The following ENTPD6 variants were observed in gnomAD, a reference collection of about 807,000 sequenced individuals.
ENTPD6 encodes the protein CD39 antigen-like 2.
ENTPD6 carries 46 observed loss-of-function variants against 61.5 expected under a neutral mutation model. The ratio of observed to expected loss-of-function variants is 0.75; its 90% CI spans 0.59 to 0.96. The LOEUF is 0.96. ENTPD6 is among the 40% of genes least tolerant of loss of function. The probability of loss-of-function intolerance (pLI) is 0.00; values close to 1 mark genes in which losing one functional copy is unlikely to be tolerated. For missense variants in ENTPD6, 612 were observed against 629.0 expected, an observed-to-expected ratio of 0.97 and a Z score of 0.29; for synonymous variants, 252 against 255.5, an observed-to-expected ratio of 0.99 and a Z score of 0.13.
intron 1 of ENTPD6, among the ~76,000 whole-genome samples, chr20:25,204,470 TTA>T (rs10534876): frequency 0.51 from 76,536 of 150,014 alleles, 19,914 homozygotes; most frequent in East Asian, 0.91. Context: ...TTACAAAGCT[TTA>T]TATATATATA....
intron 12 of ENTPD6, 114 bp downstream of exon 12, chr20:25,223,092 C>A: frequency 7.9e-7 from 1 of 1,258,506 alleles, no homozygotes; most frequent in Non-Finnish European, 1.1e-6. Flanking sequence ...CCTGTTGTCA[C>A]ATCCCTGCAG....
intron 1 of ENTPD6, among the ~76,000 whole-genome samples, chr20:25,205,508 G>T (rs2091408038): frequency 2.3e-5 from 2 of 86,078 alleles, no homozygotes; most frequent in South Asian, 9.0e-4. Flanking sequence ...AGCCACAGGG[G>T]CCAGCAGGGA....
At chr20:25,203,523 A>T (rs1568604665) in intron 1 of ENTPD6, among the ~76,000 whole-genome samples, 1 of 152,198 alleles carries the variant, frequency 6.6e-6, no homozygotes, top group Non-Finnish European at 1.5e-5. Flanking sequence ...TGATTCTTCT[A>T]CCGACTCAAA....
chr20:25,206,488 T>C, intron 1 of ENTPD6, 34 bp from the exon 2 acceptor site: 1 of 1,552,754 alleles, frequency 6.4e-7, no homozygotes, highest in Non-Finnish European at 8.9e-7. Context: ...TTGTAGGCTT[T>C]GGAAGTACAC....
At chr20:25,205,143 C>T (rs2091358107) in intron 1 of ENTPD6, among the ~76,000 whole-genome samples, 1 of 152,160 alleles carries the variant, frequency 6.6e-6, no homozygotes, top group African/African-American at 2.4e-5. Flanking sequence ...GCAGCAGCAG[C>T]ACAAGACAAG....
chr20:25,214,671 T>C, intron 5 of ENTPD6, 196 bp from the exon 6 acceptor site: 1 of 583,350 alleles, frequency 1.7e-6, no homozygotes, highest in Non-Finnish European at 3.1e-6. Context: ...GCAAAACCCT[T>C]AACCATAAAT....
intron 4 of ENTPD6, among the ~76,000 whole-genome samples, chr20:25,211,796 C>T (rs561666390): frequency 4.6e-4 from 70 of 152,264 alleles, no homozygotes; most frequent in African/African-American, 1.4e-3. Flanking sequence ...CAAGGGGCAT[C>T]GCTCAGATGA....
At position 25,213,313 on chromosome 20, in the gene ENTPD6, G is replaced by A. The variant is rs2076561; in HGVS notation, c.504G>A (p.Pro168=). The part of the protein sequence containing the change: ...ELLDVAKQDI[P]FDFWKATPLV... Reference sequence around the variant, plus strand: ...TGGATGTTGCTAAACAGGACATTCCGTTCGACTTCTGGAAGGCCACCCCTC... The same window carrying A: ...TGGATGTTGCTAAACAGGACATTCCATTCGACTTCTGGAAGGCCACCCCTC... Residue 168 remains proline (P), a synonymous_variant, in exon 5 of 15, where the codon CCG becomes CCA. Coordinates refer to ENST00000376652, the MANE Select transcript of ENTPD6 (RefSeq NM_001247.5). The A allele has an allele frequency of 0.32, 522,914 of 1,613,820 alleles. 88,990 individuals are homozygous for A. The highest frequency in any genetic ancestry group is 0.62 in the East Asian group (27,677 of 44,872).
chr20:25,196,345 G>A (rs565346342), intron 1 of ENTPD6: 9 of 604,402 alleles, frequency 1.5e-5, no homozygotes, highest in Non-Finnish European at 1.7e-5. Context: ...TAGGTGGTCA[G>A]GGCGGTTCTG....
At chr20:25,209,563 AT>A (rs2091806987) in intron 3 of ENTPD6, among the ~76,000 whole-genome samples, 1 of 150,350 alleles carries the variant, frequency 6.7e-6, no homozygotes, top group Non-Finnish European at 1.5e-5. Flanking sequence ...TTAAAAAAAA[AT>A]AATTATAATA....
chr20:25,196,165 G>A (rs1197396045), intron 1 of ENTPD6: 14 of 1,212,624 alleles, frequency 1.2e-5, no homozygotes, highest in Non-Finnish European at 1.4e-5. Flanking sequence ...CCGCTTTTGC[G>A]GACCCGCCCC....
chr20:25,225,267 G>A lies in ENTPD6; in HGVS notation c.1306G>A (p.Val436Ile), dbSNP rs35185820. The change falls in exon 14 of 15, where the codon GTC becomes ATC. Residue 436 changes from valine to isoleucine, a missense_variant. Coordinates refer to ENST00000376652, the MANE Select transcript of ENTPD6 (RefSeq NM_001247.5). Reference sequence around the variant, plus strand: ...CTTCTCATGCATGGACCTCACCTACGTCAGCCTGCTACTCCAGGAGTTCGG... The same window carrying A: ...CTTCTCATGCATGGACCTCACCTACATCAGCCTGCTACTCCAGGAGTTCGG... ...SPFSCMDLTY[V>I]SLLLQEFGFP... The A allele has an allele frequency of 2.7e-4, 437 of 1,613,536 alleles. 2 individuals carry two copies. The African/African-American group carries it at 4.4e-3, about 16-fold the overall frequency.
rs1056388920 is a variant in ENTPD6, at chr20:25,213,511, A to G, written c.597+105A>G. On this transcript the variant is annotated intron_variant, in intron 5 of 14. Coordinates refer to ENST00000376652, the MANE Select transcript of ENTPD6 (RefSeq NM_001247.5). ...TGCCGCACCATCAGGCAGGACACAG[A>G]TGCTTCTGAAGAAAAGTTTGCAGCA... The G allele has an allele frequency of 2.1e-5, 26 of 1,240,422 alleles. No individual in the cohort carries two copies. The Admixed American group carries it at 7.0e-4, about 33-fold the overall frequency. The allele number at this position is 1,240,422 out of a possible 1,614,324, so 76.8% of individuals were successfully genotyped here.
chr20:25,213,957 T>A (rs964676095), intron 5 of ENTPD6, among the ~76,000 whole-genome samples: 7 of 152,064 alleles, frequency 4.6e-5, no homozygotes, highest in Admixed American at 2.0e-4. Flanking sequence ...CTCAAAAAAA[T>A]AAATAAAAGC....
At position 25,216,760 on chromosome 20, in the gene ENTPD6, C is replaced by T. The variant is rs764659378; in HGVS notation, c.798+24C>T. On this transcript the variant is annotated intron_variant, in intron 8 of 14. Transcript: ENST00000376652. ...AGGTAACAAGCCCTGCCGACCACAG[C>T]GCTCTTTCCACCCCGAGGCCACACC... 1.7e-5 allele frequency: 26 copies of T among 1,553,544 alleles called. 1 individual carries two copies. The highest frequency in any genetic ancestry group is 1.3e-4 in the South Asian group (11 of 84,772).
chr20:25,202,350 G>C (rs2122550071), intron 1 of ENTPD6, among the ~76,000 whole-genome samples: 1 of 152,214 alleles, frequency 6.6e-6, no homozygotes, highest in Non-Finnish European at 1.5e-5. Flanking sequence ...CTGTCAATCT[G>C]TGTCTCTTGA....
intron 4 of ENTPD6, among the ~76,000 whole-genome samples, chr20:25,211,178 A>C (rs2091937733): frequency 6.6e-6 from 1 of 152,250 alleles, no homozygotes; most frequent in African/African-American, 2.4e-5. Flanking sequence ...GTCATGAGCT[A>C]GTACATTGCT....
chr20:25,196,310 T>C, intron 1 of ENTPD6: 2 of 866,026 alleles, frequency 2.3e-6, no homozygotes, highest in Non-Finnish European at 2.8e-6. Flanking sequence ...CACCCTGGCA[T>C]TGGGGTGGTG....
At chr20:25,206,109 T>C (rs1007091290) in intron 1 of ENTPD6, among the ~76,000 whole-genome samples, 1 of 152,218 alleles carries the variant, frequency 6.6e-6, no homozygotes, top group Non-Finnish European at 1.5e-5. Context: ...CGAGGGGCTC[T>C]CCAATGAGCA....
Sources: gnomAD v4.1 joint callset for allele counts (sites outside exome capture counted in the v4.1 genomes callset) on GRCh38, gnomAD v4.1.1 for gene constraint, MANE v1.5 for transcripts, NCBI Gene and HGNC (gene_info 2026-07-23, HGNC 2026-07-21) for gene names.